The following DPP10 variants were observed in gnomAD, a reference collection of about 807,000 sequenced individuals.
The protein encoded by DPP10 is dipeptidyl peptidase like 10.
A neutral mutation model predicts 120.9 loss-of-function variants in DPP10; 33 were observed. The observed-to-expected ratio is 0.27, with a 90% confidence interval of 0.21 to 0.37. The LOEUF (loss-of-function observed/expected upper bound fraction) is 0.37. Ranked by LOEUF, DPP10 falls within the 10% of genes least tolerant of loss-of-function variation. DPP10 has a pLI of 1.00. For missense variants in DPP10, 816 were observed against 942.8 expected (o/e 0.87, Z 1.76); for synonymous variants, 337 against 326.1 (o/e 1.03, Z -0.36).
At chr2:114,464,298 C>T (rs775289685) in intron 1 of DPP10, among the ~76,000 whole-genome samples, 16 of 152,128 alleles carry the variant, frequency 1.1e-4, no homozygotes, top group Non-Finnish European at 2.2e-4. Context: ...TTCTAATAGG[C>T]ACGTAATGGT....
chr2:114,641,705 G>A (rs1186749357), intron 1 of DPP10, among the ~76,000 whole-genome samples: 2 of 151,878 alleles, frequency 1.3e-5, no homozygotes, highest in Non-Finnish European at 2.9e-5. Flanking sequence ...TCAGTAGTTA[G>A]AATAATTCAG....
chr2:114,968,650 T>C (rs1328915985), intron 1 of DPP10, among the ~76,000 whole-genome samples: 1 of 152,218 alleles, frequency 6.6e-6, no homozygotes, highest in Non-Finnish European at 1.5e-5. Flanking sequence ...TTATAAAGTC[T>C]ATTTCCTTAC....
At chr2:114,558,575 G>A (rs918491083) in intron 1 of DPP10, among the ~76,000 whole-genome samples, 1 of 152,100 alleles carries the variant, frequency 6.6e-6, no homozygotes, top group African/African-American at 2.4e-5. Context: ...TTCATTTTGT[G>A]TCTCTTCCAT....
At position 115,835,412 on chromosome 2, in the gene DPP10, T is replaced by C. The variant is rs531377730; in HGVS notation, c.1951-745T>C. On this transcript the variant is annotated intron_variant, in intron 21 of 25. Coordinates refer to ENST00000410059, the MANE Select transcript of DPP10 (RefSeq NM_020868.6). ...TCTCCATTGATTGAGTCTTCGGTTA[T>C]GTAGTTATTCTTCTCTTCCTGGTGC... 3.3e-5 allele frequency among the ~76,000 whole-genome samples: 5 copies of C among 152,306 alleles called. No individual in the cohort carries two copies. The East Asian group carries it at 9.7e-4, about 29-fold the overall frequency.
chr2:115,631,211 G>C (rs2085842639), intron 5 of DPP10, among the ~76,000 whole-genome samples: 1 of 151,954 alleles, frequency 6.6e-6, no homozygotes, highest in Non-Finnish European at 1.5e-5. Context: ...TATTTGCATA[G>C]GGGTATTTAT....
At chr2:114,978,975 A>G (rs1428712886) in intron 1 of DPP10, among the ~76,000 whole-genome samples, 2 of 152,124 alleles carry the variant, frequency 1.3e-5, no homozygotes, top group South Asian at 4.1e-4. Context: ...AAATTAGGAC[A>G]TTTTGTCATG....
chr2:115,112,055 GC>G (rs1040584903), intron 1 of DPP10, among the ~76,000 whole-genome samples: 75 of 152,174 alleles, frequency 4.9e-4, no homozygotes, highest in African/African-American at 1.7e-3. Flanking sequence ...ATTCTAATCA[GC>G]CTTTGTATGT....
intron 1 of DPP10, among the ~76,000 whole-genome samples, chr2:115,087,806 G>C (rs113497182): frequency 3.3e-5 from 5 of 151,770 alleles, no homozygotes; most frequent in Admixed American, 2.6e-4. Flanking sequence ...TGCCCACCTC[G>C]GCCTCCCAAA....
intron 4 of DPP10, among the ~76,000 whole-genome samples, chr2:115,521,605 A>ATTTTT (rs79361161): frequency 6.3e-5 from 9 of 143,544 alleles, no homozygotes; most frequent in Admixed American, 2.8e-4. Context: ...TCTAATCCTT[A>ATTTTT]TTTTTTTTTT....
rs188524832 is a variant in DPP10 at position 115,647,911 on chromosome 2, G to A, written c.442-41776G>A. ...TTGAAAACACATGAATTTTGGAGGTGATTTACGTTCATCGTGAATTTTGGA... is the reference window on the plus strand; with the variant it reads ...TTGAAAACACATGAATTTTGGAGGTAATTTACGTTCATCGTGAATTTTGGA... On this transcript the variant is annotated intron_variant, in intron 5 of 25. Coordinates refer to ENST00000410059, the MANE Select transcript of DPP10 (RefSeq NM_020868.6). 4.5e-4 allele frequency among the ~76,000 whole-genome samples: 68 copies of A among 152,264 alleles called. No individual in the cohort carries two copies. The East Asian group carries it at 0.013, about 29-fold the overall frequency.
At chr2:114,780,156 G>A (rs891636063) in intron 1 of DPP10, among the ~76,000 whole-genome samples, 1 of 152,038 alleles carries the variant, frequency 6.6e-6, no homozygotes, top group Non-Finnish European at 1.5e-5. Flanking sequence ...GGAGGGAAAG[G>A]AGGGAAGGAA....
chr2:115,695,295 A>G (rs2149514055), intron 7 of DPP10, among the ~76,000 whole-genome samples: 1 of 152,334 alleles, frequency 6.6e-6, no homozygotes, highest in Admixed American at 6.5e-5. Context: ...ATAACAAAAC[A>G]AAAGCAAAAA....
chr2:115,284,932 T>C (rs2060304467), intron 1 of DPP10, among the ~76,000 whole-genome samples: 6 of 152,090 alleles, frequency 3.9e-5, no homozygotes. Flanking sequence ...TTCTTAATGA[T>C]GTTTCTTACC....
chr2:114,890,533 G>A (rs544234797), intron 1 of DPP10, among the ~76,000 whole-genome samples: 3 of 152,174 alleles, frequency 2.0e-5, no homozygotes, highest in East Asian at 1.9e-4. Context: ...AACAACCCCC[G>A]ATATCCCCAA....
intron 1 of DPP10, among the ~76,000 whole-genome samples, chr2:115,293,418 C>T (rs536764404): frequency 6.6e-6 from 1 of 152,234 alleles, no homozygotes; most frequent in South Asian, 2.1e-4. Flanking sequence ...ATGGTATTTA[C>T]ACCTTCCAAT....
At chr2:114,770,297 A>G (rs770761000) in intron 1 of DPP10, among the ~76,000 whole-genome samples, 1 of 152,170 alleles carries the variant, frequency 6.6e-6, no homozygotes, top group Non-Finnish European at 1.5e-5. Flanking sequence ...GCTCCTAGTA[A>G]TAGCGAAAAG....
chr2:115,787,247 T>G (rs140642333), intron 17 of DPP10, among the ~76,000 whole-genome samples: 2 of 152,062 alleles, frequency 1.3e-5, no homozygotes, highest in Non-Finnish European at 2.9e-5. Flanking sequence ...GTGAAGAAAG[T>G]AGAAAATATT....
chr2:115,013,797 T>C (rs1215848846), intron 1 of DPP10, among the ~76,000 whole-genome samples: 1 of 151,444 alleles, frequency 6.6e-6, no homozygotes, highest in East Asian at 1.9e-4. Context: ...AAGCTAACTA[T>C]CCTAAATATA....
At chr2:115,030,593 GC>G (rs1423887019) in intron 1 of DPP10, among the ~76,000 whole-genome samples, 8 of 152,088 alleles carry the variant, frequency 5.3e-5, no homozygotes, top group African/African-American at 1.9e-4. Context: ...TAGGTATTAA[GC>G]CCAGGATTCA....
Sources: gnomAD v4.1 joint callset for allele counts (sites outside exome capture counted in the v4.1 genomes callset) on GRCh38, gnomAD v4.1.1 for gene constraint, MANE v1.5 for transcripts, NCBI Gene and HGNC (gene_info 2026-07-23, HGNC 2026-07-21) for gene names.